The following DYNLT5 variants were observed in gnomAD, a reference collection of about 807,000 sequenced individuals.
The protein encoded by DYNLT5 is dynein light chain Tctex-type 5.
In DYNLT5, 25 loss-of-function variants were observed where a neutral mutation model predicts 19.3. The observed-to-expected ratio is 1.30, with a 90% CI of 0.95 to 1.81. The LOEUF (loss-of-function observed/expected upper bound fraction) is 1.81, where lower values mean the gene tolerates loss of function less well. Among genes scored for constraint, DYNLT5 ranks in the 40% most tolerant of loss-of-function variants. The pLI, the probability that DYNLT5 is intolerant of heterozygous loss-of-function variation, is 0.00. For missense variants in DYNLT5, 232 were observed against 217.9 expected (o/e 1.06, Z -0.41); for synonymous variants, 82 against 68.9 (o/e 1.19, Z -0.94).
chr1:66,755,241 A>G (rs2094634056), intron 2 of DYNLT5, among the ~76,000 whole-genome samples: 1 of 152,098 alleles, frequency 6.6e-6, no homozygotes, highest in Non-Finnish European at 1.5e-5. Context: ...TGGGTTCCTT[A>G]ACCATTCTCT....
intron 2 of DYNLT5, among the ~76,000 whole-genome samples, chr1:66,755,137 C>A (rs1168987586): frequency 2.0e-5 from 3 of 152,160 alleles, no homozygotes; most frequent in African/African-American, 7.2e-5. Context: ...ATACAATGTA[C>A]TTAACATTAT....
chr1:66,760,508 T>C lies in DYNLT5; in HGVS notation c.119+5731T>C, dbSNP rs541779362. Among the ~76,000 whole-genome samples, 7 of 152,338 alleles carry C rather than the reference T, an allele frequency of 4.6e-5. No homozygotes were observed. In the East Asian group the frequency reaches 1.3e-3, roughly 29 times the overall value. On this transcript the variant is annotated intron_variant, in intron 2 of 4. Transcript: ENST00000282670. ...ACTAGGGGCTTTCCTCTTATAGACA[T>C]AAGATGCATTTACAGCAAATAGAAA...
chr1:66,771,147 C>A (rs1572550669), intron 3 of DYNLT5, among the ~76,000 whole-genome samples: 1 of 152,176 alleles, frequency 6.6e-6, no homozygotes, highest in East Asian at 1.9e-4. Flanking sequence ...CAAGGTGATT[C>A]CATCTGTGGC....
chr1:66,757,324 T>C (rs1377411862), intron 2 of DYNLT5, among the ~76,000 whole-genome samples: 1 of 152,204 alleles, frequency 6.6e-6, no homozygotes, highest in Non-Finnish European at 1.5e-5. Context: ...ATATCTGAAA[T>C]GCCTTCTGAA....
intron 4 of DYNLT5, 30 bp from the exon 5 acceptor site, chr1:66,777,221 T>G (rs763996349): frequency 6.3e-7 from 1 of 1,585,204 alleles, no homozygotes; most frequent in South Asian, 1.1e-5. Flanking sequence ...TGTAGCTGAA[T>G]GAAGACCCTC....
chr1:66,753,346 T>C (rs1378999330), intron 1 of DYNLT5, among the ~76,000 whole-genome samples: 2 of 152,232 alleles, frequency 1.3e-5, no homozygotes, highest in Non-Finnish European at 2.9e-5. Flanking sequence ...CTCACATTTA[T>C]AGATTATGAA....
chr1:66,766,767 AG>A (rs930584361), intron 2 of DYNLT5, among the ~76,000 whole-genome samples: 1 of 152,114 alleles, frequency 6.6e-6, no homozygotes, highest in Non-Finnish European at 1.5e-5. Context: ...TTTATAATAC[AG>A]GTTTTAAAAA....
At chr1:66,760,012 G>A (rs936235010) in intron 2 of DYNLT5, among the ~76,000 whole-genome samples, 2 of 152,048 alleles carry the variant, frequency 1.3e-5, no homozygotes, top group African/African-American at 2.4e-5. Context: ...TCTCTTCCTA[G>A]TATACCTTTC....
chr1:66,761,004 A>C (rs946584300), intron 2 of DYNLT5, among the ~76,000 whole-genome samples: 2 of 152,188 alleles, frequency 1.3e-5, no homozygotes, highest in African/African-American at 2.4e-5. Flanking sequence ...CTTCTACTCG[A>C]AAAAAATATG....
intron 2 of DYNLT5, chr1:66,768,756 T>C (rs1238797457): frequency 6.6e-6 from 1 of 152,218 alleles, no homozygotes; most frequent in Non-Finnish European, 1.5e-5. Context: ...TTCTGTATTA[T>C]GCAAGTAAGT....
At chr1:66,755,970 T>G (rs967116474) in intron 2 of DYNLT5, among the ~76,000 whole-genome samples, 1 of 152,226 alleles carries the variant, frequency 6.6e-6, no homozygotes, top group Admixed American at 6.5e-5. Context: ...TTAAATACTG[T>G]CTCCAAAGAT....
chr1:66,762,498 G>A (rs963225127), intron 2 of DYNLT5, among the ~76,000 whole-genome samples: 9 of 152,094 alleles, frequency 5.9e-5, no homozygotes, highest in Admixed American at 1.3e-4. Context: ...ACTTGAACCC[G>A]TCAAAGTCAT....
chr1:66,760,197 A>G (rs2150861105), intron 2 of DYNLT5, among the ~76,000 whole-genome samples: 1 of 152,228 alleles, frequency 6.6e-6, no homozygotes, highest in Admixed American at 6.5e-5. Context: ...TTATCATAAT[A>G]TATAATTTGC....
intron 2 of DYNLT5, among the ~76,000 whole-genome samples, chr1:66,755,926 A>C (rs958199117): frequency 2.0e-5 from 3 of 152,250 alleles, no homozygotes; most frequent in Non-Finnish European, 4.4e-5. Flanking sequence ...TTTAAGTAAT[A>C]GTCTGACATA....
Position 66,777,430 on chromosome 1 carries a change from T to G in DYNLT5, c.516T>G (p.Asn172Lys). ...ATTCTTCTCTCTTCGCTCTTGCAAA[T>G]GTCTATGCAGTTTACCTTGAGTGAT... is the stretch of plus-strand genomic sequence containing the variant. Reference protein sequence around the residue: ...FRNSSLFALANVYAVYLE With the variant: ...FRNSSLFALAKVYAVYLE The change falls in exon 5 of 5, where the codon AAT (asparagine) becomes AAG (lysine). Residue 172 changes from asparagine (N) to lysine (K), a missense_variant. By Grantham distance (94) the Asn-to-Lys change is moderately conservative. Transcript: ENST00000282670. 1 of 1,613,742 alleles carries G rather than the reference T, an allele frequency of 6.2e-7. No individual in the cohort carries two copies. Among genetic ancestry groups the G allele is most frequent in the Non-Finnish European group, 8.5e-7 (1 of 1,179,816 alleles).
chr1:66,758,723 C>G (rs916609429), intron 2 of DYNLT5, among the ~76,000 whole-genome samples: 3 of 152,154 alleles, frequency 2.0e-5, no homozygotes, highest in Non-Finnish European at 4.4e-5. Context: ...TGAGAGCTGC[C>G]TGGTAACTTT....
intron 2 of DYNLT5, among the ~76,000 whole-genome samples, chr1:66,756,328 C>A (rs901335731): frequency 1.3e-5 from 2 of 152,144 alleles, no homozygotes; most frequent in Admixed American, 6.5e-5. Flanking sequence ...GAGGCTCCCC[C>A]ACCCCATGCT....
rs772295477 is a variant in DYNLT5 at position 66,754,778 on chromosome 1, G to T, written c.119+1G>T. On this transcript the variant is annotated splice_donor_variant, in intron 2 of 4. Transcript: ENST00000282670. LOFTEE classifies it high-confidence loss of function. ...AGGAAATTCATGGGCGCATCAAAGA[G>T]TGAGTAACTGTCTAAAATTGTAAAT... is the stretch of plus-strand genomic sequence containing the variant. 6.8e-6 allele frequency: 11 copies of T among 1,607,622 alleles called. No individual in the cohort carries two copies. Among genetic ancestry groups the T allele is most frequent in the South Asian group, 1.1e-5 (1 of 89,436 alleles).
intron 4 of DYNLT5, 67 bp from the exon 5 acceptor site, chr1:66,777,184 A>G (rs1645241258): frequency 1.1e-5 from 15 of 1,332,454 alleles, no homozygotes; most frequent in Non-Finnish European, 1.6e-5. Context: ...TATATTTATA[A>G]CAAAGGTTAA....
Sources: allele counts gnomAD v4.1 joint callset (sites outside exome capture counted in the v4.1 genomes callset), GRCh38; gene constraint gnomAD v4.1.1; transcripts MANE v1.5; gene names NCBI Gene and HGNC (gene_info 2026-07-23, HGNC 2026-07-21).